MYCBP2: variants seen among roughly 807,000 people sequenced by gnomAD.
MYCBP2 encodes E3 ubiquitin-protein ligase MYCBP2.
In MYCBP2, 120 loss-of-function variants were observed where a neutral mutation model predicts 525.3. That is an observed-to-expected ratio of 0.23 (90% CI 0.20 to 0.27). MYCBP2 has a LOEUF of 0.27. Among genes scored for constraint, MYCBP2 ranks in the 10% least tolerant of loss-of-function variants. MYCBP2 has a pLI of 1.00. For synonymous variants in MYCBP2, 1,894 were observed against 1,955.8 expected (o/e 0.97, Z 0.83); for missense variants, 4,149 against 5,657.1 (o/e 0.73, Z 8.55).
At chr13:77,124,447 A>G (rs1314376667) in intron 54 of MYCBP2, among the ~76,000 whole-genome samples, 2 of 152,204 alleles carry the variant, frequency 1.3e-5, no homozygotes, top group East Asian at 1.9e-4. Flanking sequence ...ACTTCATCCT[A>G]TAAATTTTGG....
At chr13:77,228,051 T>TA (rs2066555626) in intron 18 of MYCBP2, among the ~76,000 whole-genome samples, 1 of 151,866 alleles carries the variant, frequency 6.6e-6, no homozygotes, top group Non-Finnish European at 1.5e-5. Flanking sequence ...TTAAAATATA[T>TA]ATTTTATATA....
At chr13:77,173,321 G>T (rs201604251) in intron 37 of MYCBP2, among the ~76,000 whole-genome samples, 2 of 152,186 alleles carry the variant, frequency 1.3e-5, no homozygotes, top group Non-Finnish European at 2.9e-5. Context: ...TCTGAAACAC[G>T]TAACTCTTAC....
intron 55 of MYCBP2, among the ~76,000 whole-genome samples, chr13:77,107,039 A>C (rs1028003939): frequency 6.6e-6 from 1 of 152,132 alleles, no homozygotes; most frequent in Non-Finnish European, 1.5e-5. Flanking sequence ...ATTTCTTTAG[A>C]TATAAGAAAA....
At position 77,326,625 on chromosome 13, in the gene MYCBP2, G is replaced by T; in HGVS notation, c.151C>A (p.Leu51Met). ...TCCGCGGCGGGTAGCCCCAGCCCCA[G>T]CCCCGCAGCAGCCACGGAGCCGTCG... Reference protein sequence around the residue: ...VPDGSVAAAGLGLGLPAADSR... With the variant: ...VPDGSVAAAGMGLGLPAADSR... Residue 51 changes from leucine to methionine, a missense_variant, in exon 1 of 83, where the codon CTG becomes ATG. Leu to Met is a conservative substitution (Grantham distance 15, BLOSUM62 2). Around this residue, in one of 21 missense-constraint regions of MYCBP2, gnomAD observed 413 missense variants for 451.2 expected, o/e 0.92. Coordinates refer to ENST00000544440, the MANE Select transcript of MYCBP2 (RefSeq NM_015057.5). The surrounding 1 kb of genome is among the most constrained non-coding windows in gnomAD (Gnocchi z 4.2). 1 of 1,561,548 alleles carries T rather than the reference G, an allele frequency of 6.4e-7. No individual in the cohort carries two copies. Among genetic ancestry groups the T allele is most frequent in the Admixed American group, 1.9e-5 (1 of 53,106 alleles).
chr13:77,314,930 A>G (rs916786685), intron 1 of MYCBP2, among the ~76,000 whole-genome samples: 4 of 152,314 alleles, frequency 2.6e-5, no homozygotes, highest in Admixed American at 2.6e-4. Flanking sequence ...GCTCTTAAAA[A>G]AATATTTTTT....
chr13:77,251,032 C>T (rs2071118631), intron 15 of MYCBP2, 119 bp downstream of exon 15: 1 of 709,590 alleles, frequency 1.4e-6, no homozygotes, highest in Non-Finnish European at 2.2e-6. Flanking sequence ...TGGCTAAGAT[C>T]AAGTGAAGAT....
chr13:77,283,813 C>T (rs769585540), intron 3 of MYCBP2, among the ~76,000 whole-genome samples: 5 of 152,210 alleles, frequency 3.3e-5, no homozygotes, highest in South Asian at 2.1e-4. Flanking sequence ...GGGATGATCA[C>T]TTGAGCCCAG....
chr13:77,250,737 A>G (rs763827188), intron 15 of MYCBP2, among the ~76,000 whole-genome samples: 8 of 152,240 alleles, frequency 5.3e-5, no homozygotes, highest in Non-Finnish European at 7.3e-5. Flanking sequence ...TTAATTTAAA[A>G]CAAAACTATA....
At chr13:77,082,079 A>C (rs774512309) in intron 63 of MYCBP2, 86 bp from the exon 64 acceptor site, 275 of 1,128,026 alleles carry the variant, frequency 2.4e-4, no homozygotes, top group Non-Finnish European at 3.2e-4. Context: ...TCTGTAGCTA[A>C]TATCTCAAGA....
chr13:77,214,357 T>C (rs565495583), intron 21 of MYCBP2, among the ~76,000 whole-genome samples: 1 of 152,170 alleles, frequency 6.6e-6, no homozygotes, highest in East Asian at 1.9e-4. Flanking sequence ...ACTACTACCA[T>C]TACAAAGTAT....
chr13:77,085,044 A>AT (rs1490915746), intron 62 of MYCBP2, among the ~76,000 whole-genome samples: 1 of 151,820 alleles, frequency 6.6e-6, no homozygotes, highest in Non-Finnish European at 1.5e-5. Context: ...TGTTTTAAAT[A>AT]TTTTGCCCAG....
intron 1 of MYCBP2, among the ~76,000 whole-genome samples, chr13:77,312,024 G>A (rs2080305454): frequency 6.6e-6 from 1 of 151,962 alleles, no homozygotes; most frequent in South Asian, 2.1e-4. Context: ...CCACACAGAG[G>A]GGAATAAGGT....
At chr13:77,153,781 A>G (rs2056851496) in intron 46 of MYCBP2, among the ~76,000 whole-genome samples, 1 of 152,132 alleles carries the variant, frequency 6.6e-6, no homozygotes, top group South Asian at 2.1e-4. Flanking sequence ...GGAAGTTTCA[A>G]AAATAGATGA....
chr13:77,134,532 A>AAAAC (rs897355868), intron 52 of MYCBP2, among the ~76,000 whole-genome samples: 45 of 152,116 alleles, frequency 3.0e-4, no homozygotes, highest in Non-Finnish European at 4.9e-4. Flanking sequence ...AGGTGCTGTA[A>AAAAC]AAACAAACAA....
At chr13:77,246,669 A>G (rs2154321819) in intron 15 of MYCBP2, among the ~76,000 whole-genome samples, 1 of 148,248 alleles carries the variant, frequency 6.7e-6, no homozygotes, top group African/African-American at 2.5e-5. Flanking sequence ...GGGCAGGGGG[A>G]GGCAAAAAAA....
chr13:77,312,823 T>A (rs2080431080), intron 1 of MYCBP2, among the ~76,000 whole-genome samples: 1 of 151,358 alleles, frequency 6.6e-6, no homozygotes, highest in Non-Finnish European at 1.5e-5. Context: ...GACAGTGGAT[T>A]TCTTTTTTTA....
chr13:77,280,165 A>G (rs893868514), intron 3 of MYCBP2, among the ~76,000 whole-genome samples: 1 of 152,306 alleles, frequency 6.6e-6, no homozygotes, highest in African/African-American at 2.4e-5. Context: ...TCTGATTAAC[A>G]TTTACAAGTT....
At chr13:77,126,135 G>C (rs2051627627) in intron 53 of MYCBP2, among the ~76,000 whole-genome samples, 183 bp downstream of exon 53, 1 of 152,086 alleles carries the variant, frequency 6.6e-6, no homozygotes, top group African/African-American at 2.4e-5. Context: ...TTTACACAAG[G>C]ATAATTATGC....
In MYCBP2 at chr13:77,081,487, A is replaced by G. The variant is rs1243678532; in HGVS notation, c.11358T>C (p.Cys3786=). The change falls in exon 65 of 83, where the codon TGT becomes TGC. Residue 3786 remains cysteine (C), a synonymous_variant. Coordinates refer to ENST00000544440, the MANE Select transcript of MYCBP2 (RefSeq NM_015057.5). The surrounding 1 kb of genome is among the most constrained non-coding windows in gnomAD (Gnocchi z 4.6). ...KNKTKNITIN[C]VKGINARYVS... is the part of the protein sequence containing the mutation. ...CATAGCGGGCATTGATTCCTTTTAC[A>G]CAGTTGATGGTGATGTTCTTAGTTT... 6.2e-7 allele frequency: 1 copy of G among 1,613,028 alleles called. No homozygotes were observed. Among genetic ancestry groups the G allele is most frequent in the Non-Finnish European group, 8.5e-7 (1 of 1,179,828 alleles).
Sources: allele counts gnomAD v4.1 joint callset (sites outside exome capture counted in the v4.1 genomes callset), GRCh38; gene constraint gnomAD v4.1.1; regional missense constraint gnomAD v4.1.1; non-coding constraint Gnocchi (gnomAD v3.1); transcripts MANE v1.5; gene names NCBI Gene and HGNC (gene_info 2026-07-23, HGNC 2026-07-21).